The following TMEM164 variants were observed in gnomAD, a reference collection of about 807,000 sequenced individuals.
TMEM164 encodes the protein transmembrane protein 164, also known as RP13-360B22.2.
Under a neutral mutation model 18.8 loss-of-function variants are expected in TMEM164, and 4 were observed. That is an observed-to-expected ratio of 0.21 (90% confidence interval 0.10 to 0.49). The LOEUF (loss-of-function observed/expected upper bound fraction) is 0.49. Ranked by LOEUF, TMEM164 falls within the 20% of genes least tolerant of loss-of-function variation. The pLI, the probability that TMEM164 is intolerant of heterozygous loss-of-function variation, is 0.98. For synonymous variants in TMEM164, 86 were observed against 101.7 expected (o/e 0.85, Z 0.93); for missense variants, 108 against 239.9 (o/e 0.45, Z 3.63).
intron 3 of TMEM164, among the ~76,000 whole-genome samples, chrX:110,095,849 G>T (rs1179342670): frequency 8.9e-6 from 1 of 112,117 alleles, no homozygotes; most frequent in Non-Finnish European, 1.9e-5. Context: ...TGATGATGAC[G>T]TACAGATGGG....
At chrX:110,184,087 A>G (rs1411197038), downstream of TMEM164, among the ~76,000 whole-genome samples, 1 of 111,366 alleles carries the variant, frequency 9.0e-6, no homozygotes, top group East Asian at 2.8e-4. Context: ...GTGTAGGTTC[A>G]TCAGTTGTAA....
intron 3 of TMEM164, among the ~76,000 whole-genome samples, chrX:110,081,198 C>G (rs1268161276): frequency 9.0e-6 from 1 of 111,204 alleles, no homozygotes. Flanking sequence ...ATTTTCTCAT[C>G]TAATCTTTAA....
Position 110,084,768 on chromosome X carries a change from G to A in TMEM164, c.440+17372G>A, listed in dbSNP as rs192270084. ...TATAGATTTCCTAATATCAATCTTT[G>A]TTAGCTTTCTAAGATAAATTTTCCT... On this transcript the variant is annotated intron_variant, in intron 3 of 6. Transcript: ENST00000372068. 3.5e-4 allele frequency among the ~76,000 whole-genome samples: 38 copies of A among 109,987 alleles called. 1 individual carries two copies. The highest frequency in any genetic ancestry group is 2.9e-3 in the Admixed American group (29 of 10,107).
At position 110,025,355 on chromosome X, in the gene TMEM164, C is replaced by A. The variant is rs1414251500; in HGVS notation, c.390+21191C>A. Among the ~76,000 whole-genome samples the A allele has an allele frequency of 2.7e-5, 3 of 111,681 alleles. No individual in the cohort carries two copies. The East Asian group carries it at 8.4e-4, about 31-fold the overall frequency. ...TTGGGATGCTCATCACTTGTGGGCTCAGGTATCAGGGCAGCTGAGTTAGAA... is the reference window on the plus strand; with the variant it reads ...TTGGGATGCTCATCACTTGTGGGCTAAGGTATCAGGGCAGCTGAGTTAGAA... On this transcript the variant is annotated intron_variant, in intron 2 of 6. Coordinates refer to ENST00000372068, the MANE Select transcript of TMEM164 (RefSeq NM_032227.4).
intron 4 of TMEM164, among the ~76,000 whole-genome samples, chrX:110,127,332 G>T (rs1441329468): frequency 9.0e-6 from 1 of 111,105 alleles, no homozygotes; most frequent in African/African-American, 3.3e-5. Context: ...GACCAACATG[G>T]AGAAACCCCG....
intron 2 of TMEM164, among the ~76,000 whole-genome samples, chrX:110,025,767 TAAG>T (rs779965519): frequency 3.6e-5 from 4 of 112,001 alleles, no homozygotes; most frequent in Non-Finnish European, 7.5e-5. Flanking sequence ...CTGGTCTCAG[TAAG>T]AAGGAGAATT....
intron 4 of TMEM164, among the ~76,000 whole-genome samples, chrX:110,136,965 C>T (rs1397868645): frequency 9.0e-6 from 1 of 111,651 alleles, no homozygotes; most frequent in Admixed American, 9.5e-5. Context: ...TACTGAGGAC[C>T]AGGGGTCCAC....
Position 110,109,082 on chromosome X carries a change from T to C in TMEM164, c.443T>C (p.Leu148Pro). Reference sequence around the variant, plus strand: ...ACTTTATCTTTCTCCCCCTCTAGGCTACAGATGCACATGTTGAATGGAGCT... The same window carrying C: ...ACTTTATCTTTCTCCCCCTCTAGGCCACAGATGCACATGTTGAATGGAGCT... ...PCRGAIVVFK[L>P]QMHMLNGALL... Residue 148 changes from leucine (L) to proline (P), a missense_variant and splice_region_variant, in exon 4 of 7, where the codon CTA becomes CCA. Coordinates refer to ENST00000372068, the MANE Select transcript of TMEM164 (RefSeq NM_032227.4). The C allele has an allele frequency of 8.3e-7, 1 of 1,210,982 alleles. No homozygotes were observed. The highest frequency in any genetic ancestry group is 1.1e-6 in the Non-Finnish European group (1 of 894,817).
chrX:110,052,745 GTT>G (rs34292132), intron 2 of TMEM164, among the ~76,000 whole-genome samples: 9 of 68,834 alleles, frequency 1.3e-4, no homozygotes, highest in African/African-American at 4.9e-4. Flanking sequence ...ACATGCATCT[GTT>G]TTTTTTTTTT....
intron 3 of TMEM164, among the ~76,000 whole-genome samples, chrX:110,078,146 G>C (rs1322766641): frequency 9.0e-6 from 1 of 111,721 alleles, no homozygotes; most frequent in African/African-American, 3.3e-5. Context: ...TGAAACTTTT[G>C]CTCATTTTTA....
Position 110,173,450 on chromosome X carries a change from G to A in TMEM164, c.893G>A (p.Ter298=). ...LLRLPAKKID[*] ...CGGCTTCCAGCCAAGAAAATAGACTGAAGGTGCTTATTTTTTTTTTTTTTC... is the reference window on the plus strand; with the variant it reads ...CGGCTTCCAGCCAAGAAAATAGACTAAAGGTGCTTATTTTTTTTTTTTTTC... Residue 298 remains the stop codon, a stop_retained_variant, in exon 7 of 7, where the codon TGA becomes TAA. Transcript: ENST00000372068. 8.4e-7 allele frequency: 1 copy of A among 1,192,288 alleles called. No individual in the cohort carries two copies. The highest frequency in any genetic ancestry group is 1.1e-6 in the Non-Finnish European group (1 of 889,208).
intron 4 of TMEM164, among the ~76,000 whole-genome samples, chrX:110,121,952 G>A (rs1361350446): frequency 3.6e-5 from 4 of 111,758 alleles, no homozygotes; most frequent in Non-Finnish European, 7.5e-5. Context: ...TTCAGATTTT[G>A]GAATGCTGCA....
At chrX:110,049,711 T>G (rs1190553349) in intron 2 of TMEM164, among the ~76,000 whole-genome samples, 1 of 111,459 alleles carries the variant, frequency 9.0e-6, no homozygotes, top group African/African-American at 3.3e-5. Flanking sequence ...TCTGATGACA[T>G]GCAAGGAGGA....
intron 3 of TMEM164, among the ~76,000 whole-genome samples, chrX:110,092,460 T>A (rs1489740286): frequency 8.9e-6 from 1 of 111,930 alleles, no homozygotes; most frequent in Non-Finnish European, 1.9e-5. Flanking sequence ...TATTTTATTC[T>A]CTTTGAAGCA....
At chrX:110,042,153 C>G (rs987351416) in intron 2 of TMEM164, among the ~76,000 whole-genome samples, 12 of 108,865 alleles carry the variant, frequency 1.1e-4, no homozygotes, top group Non-Finnish European at 1.9e-4. Context: ...TTAAATCACA[C>G]CAAACAGCAG....
At chrX:110,092,046 C>G (rs1294086911) in intron 3 of TMEM164, among the ~76,000 whole-genome samples, 2 of 111,695 alleles carry the variant, frequency 1.8e-5, no homozygotes, top group African/African-American at 6.5e-5. Flanking sequence ...TCTGAGGGCT[C>G]TGTTCTGTTC....
intron 2 of TMEM164, among the ~76,000 whole-genome samples, chrX:110,052,306 G>A (rs1399701279): frequency 3.6e-5 from 4 of 111,614 alleles, no homozygotes; most frequent in South Asian, 3.7e-4. Flanking sequence ...ATGTTTGGTT[G>A]TTATTTAAAA....
intron 2 of TMEM164, chrX:110,046,310 T>C: frequency 1.3e-6 from 1 of 754,614 alleles, no homozygotes; most frequent in Non-Finnish European, 1.6e-6. Context: ...TTTATCCTAT[T>C]TAACCTCTCA....
At chrX:110,123,275 A>C (rs778761212) in intron 4 of TMEM164, among the ~76,000 whole-genome samples, 2 of 112,305 alleles carry the variant, frequency 1.8e-5, no homozygotes, top group South Asian at 7.4e-4. Flanking sequence ...ATTTCTCTAT[A>C]TGTCTATCCA....
Sources: allele counts gnomAD v4.1 joint callset (sites outside exome capture counted in the v4.1 genomes callset), GRCh38; gene constraint gnomAD v4.1.1; transcripts MANE v1.5; gene names NCBI Gene and HGNC (gene_info 2026-07-23, HGNC 2026-07-21).